TTN: variants seen among roughly 807,000 people sequenced by gnomAD.
TTN encodes titin, also known as connectin.
In TTN, 1,525 loss-of-function variants were observed where a neutral mutation model predicts 3,223.0. That is an observed-to-expected ratio of 0.47 (90% CI 0.45 to 0.49). The LOEUF is 0.49. Ranked by LOEUF, TTN falls within the 20% of genes least tolerant of loss-of-function variation. The pLI, the probability that TTN is intolerant of heterozygous loss-of-function variation, is 0.00. For missense variants in TTN, 40,786 were observed against 43,424.0 expected (o/e 0.94, Z 5.40); for synonymous variants, 14,094 against 15,161.0 (o/e 0.93, Z 5.17).
At chr2:178,670,076 G>T (rs1041718359) in intron 157 of TTN, 142 bp downstream of exon 157, 22 of 532,232 alleles carry the variant, frequency 4.1e-5, no homozygotes, top group African/African-American at 3.2e-4. Context: ...GCCTCAAAAG[G>T]CAGGATTATG....
chr2:178,768,941 G>A lies in TTN; in HGVS notation c.8903-8C>T. ...TGGAAGTAATCATGATTGCTGCAAA[G>A]GAGAAAAGAAAAAACACCCAAGGAG... On this transcript the variant is annotated splice_polypyrimidine_tract_variant and splice_region_variant and intron_variant, in intron 37 of 362. Coordinates refer to ENST00000589042, the MANE Select transcript of TTN (RefSeq NM_001267550.2). 3 of 1,613,214 alleles carry A rather than the reference G, an allele frequency of 1.9e-6. No homozygotes were observed. The highest frequency in any genetic ancestry group is 2.5e-6 in the Non-Finnish European group (3 of 1,179,918).
At position 178,740,277 on chromosome 2, in the gene TTN, G is replaced by A. The variant is rs1218345918; in HGVS notation, c.12956C>T (p.Ala4319Val). The change falls in exon 48 of 363, where the codon GCG (alanine) becomes GTG (valine). Residue 4319 changes from alanine to valine, a missense_variant. Transcript: ENST00000589042. Reference sequence around the variant, plus strand: ...GGACTTGCCTTCCTCAATTCTGACCGCAGAATCTTGCCCTGCATTTTCCAG... The same window carrying A: ...GGACTTGCCTTCCTCAATTCTGACCACAGAATCTTGCCCTGCATTTTCCAG... ...NPLENAGQDSAVRIEEGKSLR... is the reference protein window; with the variant it reads ...NPLENAGQDSVVRIEEGKSLR... 17 of 1,613,430 alleles carry A rather than the reference G, an allele frequency of 1.1e-5. No homozygotes were observed. Among genetic ancestry groups the A allele is most frequent in the East Asian group, 6.7e-5 (3 of 44,856 alleles).
At chr2:178,750,395 G>GT in intron 47 of TTN, 1 of 1,612,758 alleles carries the variant, frequency 6.2e-7, no homozygotes, top group South Asian at 1.1e-5. Flanking sequence ...AGATGAAAGA[G>GT]TTAATATTGA....
Position 178,570,487 on chromosome 2 carries a change from T to C in TTN, c.75645A>G (p.Ser25215=). Residue 25215 remains serine (S), a synonymous_variant, in exon 326 of 363, where the codon TCA becomes TCG. Coordinates refer to ENST00000589042, the MANE Select transcript of TTN (RefSeq NM_001267550.2). ...GTGTGCATTTTTCTGCTGTAACTCC[T>C]GAGATAACAACAGGTCCTTCAGGTG... is the stretch of plus-strand genomic sequence containing the variant. ...PGPPEGPVVI[S]GVTAEKCTLA... 6.2e-7 allele frequency: 1 copy of C among 1,613,308 alleles called. No individual in the cohort carries two copies. Among genetic ancestry groups the C allele is most frequent in the Non-Finnish European group, 8.5e-7 (1 of 1,179,560 alleles).
In TTN at chr2:178,711,427, C is replaced by T. The variant is rs367801165; in HGVS notation, c.27887-78G>A. The T allele has an allele frequency of 6.4e-5, 84 of 1,321,008 alleles. No individual in the cohort carries two copies. In the South Asian group the frequency reaches 9.5e-4, roughly 15 times the overall value. The allele number at this position is 1,321,008 out of a possible 1,614,324, so 81.8% of individuals were successfully genotyped here. A position where few individuals can be genotyped will look rare whatever the true frequency, so the allele number is the denominator to read the frequency against. On this transcript the variant is annotated intron_variant, in intron 96 of 362. Transcript: ENST00000589042. ...TCACAATTATATATATACAAACGCA[C>T]GTATATATGCAATTTCTATTAAAAA... is the stretch of plus-strand genomic sequence containing the variant.
In TTN at chr2:178,731,375, A is replaced by G. The variant is rs1446727042; in HGVS notation, c.17391T>C (p.Asp5797=). ...TTTTGGCCTGACAGACATATTTCCC[A>G]TCATGCTTGACTTCAATGCCACTGA... is the stretch of plus-strand genomic sequence containing the variant. The part of the protein sequence containing the change: ...LYLSGIEVKH[D]GKYVCQAKND... The change falls in exon 59 of 363, where the codon GAT becomes GAC. Residue 5797 remains aspartate (D), a synonymous_variant. Transcript: ENST00000589042. The G allele has an allele frequency of 3.1e-6, 5 of 1,613,778 alleles. No individual in the cohort carries two copies. The highest frequency in any genetic ancestry group is 3.4e-6 in the Non-Finnish European group (4 of 1,179,762).
chr2:178,712,700 T>G lies in TTN; in HGVS notation c.27325A>C (p.Lys9109Gln). ...CTAGAAGAGCAGTCTGACAAACCTT[T>G]TATGTAGAGATGTGTTGTACAAGAA... ...KASCTTHLYI[K>Q]APAKFVKRLN... The change falls in exon 94 of 363, where the codon AAA becomes CAA. Residue 9109 changes from lysine to glutamine, a missense_variant. By Grantham distance (53) the Lys-to-Gln change is moderately conservative. Transcript: ENST00000589042. 6.2e-7 allele frequency: 1 copy of G among 1,612,130 alleles called. No individual in the cohort carries two copies.
At chr2:178,721,786 T>C in intron 78 of TTN, 61 bp downstream of exon 78, 1 of 1,433,304 alleles carries the variant, frequency 7.0e-7, no homozygotes, top group South Asian at 1.9e-5. Context: ...AAGAAACTTT[T>C]ATAAGACAAT....
rs778067188 is a variant in TTN at position 178,594,084 on chromosome 2, T to C, written c.58309A>G (p.Thr19437Ala). ...TCTAAAGCAAGTGTTGCTGGTGTAG[T>C]CTTTATATGAGTGCGATCATCTTCC... Reference protein sequence around the residue: ...VLEDDRTHIKTTPATLALEKI... With the variant: ...VLEDDRTHIKATPATLALEKI... Residue 19437 changes from threonine (T) to alanine (A), a missense_variant, in exon 297 of 363, where the codon ACT (threonine) becomes GCT (alanine). By Grantham distance (58) the Thr-to-Ala change is moderately conservative. Coordinates refer to ENST00000589042, the MANE Select transcript of TTN (RefSeq NM_001267550.2). 60 of 1,613,328 alleles carry C rather than the reference T, an allele frequency of 3.7e-5. No homozygotes were observed. Among genetic ancestry groups the C allele is most frequent in the Non-Finnish European group, 5.0e-5 (59 of 1,179,650 alleles).
intron 240 of TTN, among the ~76,000 whole-genome samples, chr2:178,627,673 A>T (rs966809131): frequency 6.6e-6 from 1 of 151,972 alleles, no homozygotes; most frequent in African/African-American, 2.4e-5. Flanking sequence ...AGAATTTTTT[A>T]AAAATAAAAT....
At chr2:178,684,286 G>A (rs2070234708) in intron 132 of TTN, 44 bp downstream of exon 132, 1 of 1,588,642 alleles carries the variant, frequency 6.3e-7, no homozygotes, top group African/African-American at 1.4e-5. Context: ...GGTAAAGAGA[G>A]TAGGGCAAGT....
At chr2:178,583,462 C>T (rs1367945365) in intron 312 of TTN, 145 bp downstream of exon 312, 1 of 936,900 alleles carries the variant, frequency 1.1e-6, no homozygotes, top group Non-Finnish European at 1.5e-6. Flanking sequence ...TTATGATTCT[C>T]CATAATCATA....
At position 178,728,666 on chromosome 2, in the gene TTN, T is replaced by C; in HGVS notation, c.19260A>G (p.Lys6420=). The C allele has an allele frequency of 1.2e-6, 2 of 1,613,396 alleles. No homozygotes were observed. The highest frequency in any genetic ancestry group is 1.1e-5 in the South Asian group (1 of 91,068). ...TACTGGGAACTATTTGTTTCCCGTCTTTAAGCCATTTCACTTTGAGTTCTG... is the reference window on the plus strand; with the variant it reads ...TACTGGGAACTATTTGTTTCCCGTCCTTAAGCCATTTCACTTTGAGTTCTG... The part of the protein sequence containing the change: ...GTPELKVKWL[K]DGKQIVPSRY... The change falls in exon 66 of 363, where the codon AAA becomes AAG. Residue 6420 remains lysine, a synonymous_variant. Coordinates refer to ENST00000589042, the MANE Select transcript of TTN (RefSeq NM_001267550.2).
At chr2:178,750,827 A>G (rs1335078774) in intron 47 of TTN, 1 of 1,613,052 alleles carries the variant, frequency 6.2e-7, no homozygotes, top group East Asian at 2.2e-5. Flanking sequence ...CTTCTCACAT[A>G]CATTAGTGAT....
chr2:178,672,216 A>G lies in TTN; in HGVS notation c.34982T>C (p.Val11661Ala), dbSNP rs199561793. ...TTCTAATTCTAGTCTTTCTTTTACT[A>G]CTACTTCTTGGCGGAAGGCAACTGA... ...KVSVAFRQEV[V>A]VKERLELEVV... Residue 11661 changes from valine (V) to alanine (A), a missense_variant, in exon 155 of 363, where the codon GTA becomes GCA. Coordinates refer to ENST00000589042, the MANE Select transcript of TTN (RefSeq NM_001267550.2). 1.6e-4 allele frequency: 248 copies of G among 1,566,146 alleles called. No individual in the cohort carries two copies. The highest frequency in any genetic ancestry group is 2.0e-4 in the Non-Finnish European group (235 of 1,154,366).
At position 178,546,615 on chromosome 2, in the gene TTN, A is replaced by T. The variant is rs1308471692; in HGVS notation, c.94813T>A (p.Cys31605Ser). The change falls in exon 341 of 363, where the codon TGC (cysteine) becomes AGC (serine). Residue 31605 changes from cysteine to serine, a missense_variant. Cys to Ser is a moderately radical substitution (Grantham distance 112, BLOSUM62 -1). Transcript: ENST00000589042. ...TATTTCCTACCGTATTCATCTCGGCAAGTGACAGGGCCTGTAGATTCAGAC... is the reference window on the plus strand; with the variant it reads ...TATTTCCTACCGTATTCATCTCGGCTAGTGACAGGGCCTGTAGATTCAGAC... ...KGSESTGPVTCRDEYAPPKAE... is the reference protein window; with the variant it reads ...KGSESTGPVTSRDEYAPPKAE... The T allele has an allele frequency of 6.2e-7, 1 of 1,609,076 alleles. No homozygotes were observed. The highest frequency in any genetic ancestry group is 8.5e-7 in the Non-Finnish European group (1 of 1,175,906).
In TTN at chr2:178,672,187, C is replaced by A. The variant is rs747878330; in HGVS notation, c.35011G>T (p.Val11671Leu). The change falls in exon 155 of 363, where the codon GTA becomes TTA. Residue 11671 changes from valine (V) to leucine (L), a missense_variant. Val to Leu is a conservative substitution (Grantham distance 32). Coordinates refer to ENST00000589042, the MANE Select transcript of TTN (RefSeq NM_001267550.2). ...VVKERLELEV[V>L]EAEVEEIPEE... ...GGAATTTCTTCCACTTCTGCTTCTA[C>A]TACTTCTAATTCTAGTCTTTCTTTT... is the stretch of plus-strand genomic sequence containing the variant. 6.3e-7 allele frequency: 1 copy of A among 1,574,934 alleles called. No homozygotes were observed.
chr2:178,783,957 T>C, intron 16 of TTN, 113 bp downstream of exon 16: 1 of 1,559,556 alleles, frequency 6.4e-7, no homozygotes, highest in Non-Finnish European at 8.8e-7. Context: ...AGTCTTAGTA[T>C]GGCAAAGGAG....
At position 178,776,919 on chromosome 2, in the gene TTN, C is replaced by T. The variant is rs138931943; in HGVS notation, c.4945G>A (p.Val1649Ile). 47 of 1,613,212 alleles carry T rather than the reference C, an allele frequency of 2.9e-5. No homozygotes were observed. Among genetic ancestry groups the T allele is most frequent in the African/African-American group, 4.0e-5 (3 of 74,814 alleles). Residue 1649 changes from valine to isoleucine, a missense_variant, in exon 28 of 363, where the codon GTT becomes ATT. Val to Ile is a conservative substitution (Grantham distance 29). Transcript: ENST00000589042. ...DTTRCKVNVE[V>I]EFAEPEPERK... The stretch of plus-strand genomic sequence containing the variant: ...TCTGGCTCAGGCTCTGCAAACTCAA[C>T]TTCAACATTTACTTTGCATCTTGTA...
Sources: allele counts gnomAD v4.1 joint callset (sites outside exome capture counted in the v4.1 genomes callset), GRCh38; gene constraint gnomAD v4.1.1; transcripts MANE v1.5; gene names NCBI Gene and HGNC (gene_info 2026-07-23, HGNC 2026-07-21).